The following ATXN1 variants were observed in gnomAD, a reference collection of about 807,000 sequenced individuals.
ATXN1 encodes ataxin-1.
ATXN1 carries 8 observed loss-of-function variants against 56.4 expected under a neutral mutation model. The ratio of observed to expected loss-of-function variants is 0.14; its 90% CI spans 0.08 to 0.26. The LOEUF is 0.26. ATXN1 is among the 10% of genes least tolerant of loss of function. ATXN1 has a pLI of 1.00. For synonymous variants in ATXN1, 514 were observed against 494.6 expected, an observed-to-expected ratio of 1.04 and a Z score of -0.52; for missense variants, 987 against 1,106.5, an observed-to-expected ratio of 0.89 and a Z score of 1.53.
intron 2 of ATXN1, among the ~76,000 whole-genome samples, chr6:16,677,170 G>A (rs189286734): frequency 1.3e-5 from 2 of 152,206 alleles, no homozygotes; most frequent in African/African-American, 4.8e-5. Flanking sequence ...CAAACAATAC[G>A]GTGTGAATCA....
intron 6 of ATXN1, among the ~76,000 whole-genome samples, chr6:16,380,902 C>G (rs1303932521): frequency 1.3e-5 from 2 of 152,112 alleles, no homozygotes; most frequent in African/African-American, 4.8e-5. Flanking sequence ...TGTGAACTTA[C>G]TTGGAAATAG....
Position 16,327,227 on chromosome 6 carries a change from C to A in ATXN1, c.1084G>T (p.Val362Leu). ...VPHPYESRHV[V>L]VHPSPSDYSS... ...TAGTCTGAGGGGCTCGGGTGGACCA[C>A]CACGTGCCTGGACTCGTACGGGTGA... Residue 362 changes from valine (V) to leucine (L), a missense_variant, in exon 7 of 8, where the codon GTG becomes TTG. Transcript: ENST00000436367. 6.2e-7 allele frequency: 1 copy of A among 1,613,578 alleles called. No individual in the cohort carries two copies. Among genetic ancestry groups the A allele is most frequent in the East Asian group, 2.2e-5 (1 of 44,862 alleles).
intron 2 of ATXN1, among the ~76,000 whole-genome samples, chr6:16,660,608 G>A (rs1236173322): frequency 6.6e-6 from 1 of 152,056 alleles, no homozygotes; most frequent in African/African-American, 2.4e-5. Flanking sequence ...CTTATTAAAT[G>A]TTTGCCATAA....
rs536542195 is a variant in ATXN1, at chr6:16,362,414, G to C, written c.-160-33944C>G. 2.6e-5 allele frequency among the ~76,000 whole-genome samples: 4 copies of C among 152,306 alleles called. No homozygotes were observed. The South Asian group carries it at 8.3e-4, about 32-fold the overall frequency. ...AGAAGTCACCTGGGTGTCGGCTTCT[G>C]AGCACTGTCTTCTCACGCTCACACT... On this transcript the variant is annotated intron_variant, in intron 6 of 7. Transcript: ENST00000436367.
intron 4 of ATXN1, among the ~76,000 whole-genome samples, chr6:16,584,652 CCCAAAAT>C (rs1373568045): frequency 6.8e-6 from 1 of 147,240 alleles, no homozygotes; most frequent in African/African-American, 2.7e-5. Flanking sequence ...ACCCCCAAAA[CCCAAAAT>C]ACATGGAAAC....
rs765917436 is a variant in ATXN1, at chr6:16,327,193, C to T, written c.1118G>A (p.Arg373His). The stretch of plus-strand genomic sequence containing the variant: ...AGAGGCCCGGACCCCCGAAGGATCA[C>T]GACTGCTGTAGTCTGAGGGGCTCGG... Reference protein sequence around the residue: ...VHPSPSDYSSRDPSGVRASVM... With the variant: ...VHPSPSDYSSHDPSGVRASVM... Residue 373 changes from arginine to histidine, a missense_variant, in exon 7 of 8, where the codon CGT (arginine) becomes CAT (histidine). Transcript: ENST00000436367. The T allele has an allele frequency of 1.3e-5, 21 of 1,613,892 alleles. 1 individual carries two copies. The highest frequency in any genetic ancestry group is 5.3e-5 in the African/African-American group (4 of 74,944).
intron 4 of ATXN1, among the ~76,000 whole-genome samples, chr6:16,578,769 T>C (rs1256867432): frequency 6.6e-6 from 1 of 151,714 alleles, no homozygotes; most frequent in East Asian, 1.9e-4. Context: ...CACAAGACGA[T>C]AGATCAATGG....
chr6:16,475,778 G>C (rs1245024779), intron 6 of ATXN1, among the ~76,000 whole-genome samples: 9 of 152,130 alleles, frequency 5.9e-5, no homozygotes, highest in African/African-American at 2.2e-4. Context: ...TAAAAGGGCA[G>C]GGATGGGAAG....
intron 4 of ATXN1, among the ~76,000 whole-genome samples, chr6:16,546,157 T>C (rs750760171): frequency 1.1e-4 from 16 of 152,190 alleles, no homozygotes; most frequent in Non-Finnish European, 2.4e-4. Context: ...GAAGGTTTTT[T>C]CATGGAAAAT....
intron 6 of ATXN1, among the ~76,000 whole-genome samples, chr6:16,396,009 G>A (rs553066491): frequency 0.013 from 1,208 of 91,728 alleles, 10 homozygotes; most frequent in Non-Finnish European, 0.017. Context: ...GCGAGACTCC[G>A]TCTCAAAAAA....
intron 7 of ATXN1, among the ~76,000 whole-genome samples, chr6:16,316,238 T>C (rs749040329): frequency 6.6e-6 from 1 of 152,194 alleles, no homozygotes; most frequent in African/African-American, 2.4e-5. Context: ...GGTGGAACAG[T>C]TTCATCCCAA....
At chr6:16,581,000 G>A (rs916709340) in intron 4 of ATXN1, among the ~76,000 whole-genome samples, 4 of 152,074 alleles carry the variant, frequency 2.6e-5, no homozygotes, top group Non-Finnish European at 5.9e-5. Flanking sequence ...CCTTAGAAAT[G>A]TACATTTCAA....
chr6:16,759,616 C>T (rs1761004513), intron 1 of ATXN1, among the ~76,000 whole-genome samples: 1 of 117,622 alleles, frequency 8.5e-6, no homozygotes, highest in Non-Finnish European at 1.6e-5. Context: ...ACCCTTTTAT[C>T]TGTAGGATTA....
intron 6 of ATXN1, among the ~76,000 whole-genome samples, chr6:16,434,564 T>A (rs946669270): frequency 7.9e-5 from 12 of 152,240 alleles, no homozygotes; most frequent in African/African-American, 2.9e-4. Flanking sequence ...ACTCAGTGTG[T>A]ATTATCGGTA....
chr6:16,520,781 G>A (rs1030745068), intron 5 of ATXN1, among the ~76,000 whole-genome samples: 6 of 152,166 alleles, frequency 3.9e-5, no homozygotes, highest in Non-Finnish European at 5.9e-5. Context: ...ATGCTAACTC[G>A]TGTAGACCCA....
chr6:16,533,697 A>C (rs1057267909), intron 4 of ATXN1, among the ~76,000 whole-genome samples: 1 of 152,164 alleles, frequency 6.6e-6, no homozygotes, highest in Admixed American at 6.5e-5. Flanking sequence ...GAAAACTCAC[A>C]ATCTCCAGTT....
intron 2 of ATXN1, among the ~76,000 whole-genome samples, chr6:16,751,555 G>A (rs1008004981): frequency 4.7e-5 from 7 of 149,056 alleles, no homozygotes; most frequent in African/African-American, 1.8e-4. Context: ...CCACATTTAT[G>A]CATGCAATTC....
intron 3 of ATXN1, among the ~76,000 whole-genome samples, chr6:16,622,491 G>A (rs1028302860): frequency 9.9e-5 from 15 of 152,022 alleles, no homozygotes; most frequent in Admixed American, 7.9e-4. Flanking sequence ...AATTAGTATC[G>A]AACACAGGAA....
rs1554138037 is a variant in ATXN1, at chr6:16,327,666, C to CTGCTGA, written c.644_645insTCAGCA (p.Gln214_Gln215insHisGln). 1.8e-5 allele frequency: 27 copies of CTGCTGA among 1,528,878 alleles called. No individual in the cohort carries two copies. In the East Asian group the frequency reaches 7.1e-4, roughly 40 times the overall value. The allele number at this position is 1,528,878 out of a possible 1,614,324, so 94.7% of individuals were successfully genotyped here. ...GCTGCTGCTGCTGCTGCTGCTGCTG[C>CTGCTGA]TGCTGCTGCTGATGCTGATGCTGCT... On this transcript the variant is annotated inframe_insertion, in exon 7 of 8. Transcript: ENST00000436367.
Sources: allele counts gnomAD v4.1 joint callset (sites outside exome capture counted in the v4.1 genomes callset), GRCh38; gene constraint gnomAD v4.1.1; transcripts MANE v1.5; gene names NCBI Gene and HGNC (gene_info 2026-07-23, HGNC 2026-07-21).